The following HHAT variants were observed in gnomAD, a reference collection of about 807,000 sequenced individuals.
HHAT encodes the protein hedgehog acyltransferase, also known as protein-cysteine N-palmitoyltransferase HHAT.
A neutral mutation model predicts 70.8 loss-of-function variants in HHAT; 47 were observed. The observed-to-expected ratio is 0.66, with a 90% CI of 0.53 to 0.85. HHAT has a LOEUF of 0.85. Among genes scored for constraint, HHAT ranks in the 40% least tolerant of loss-of-function variants. HHAT has a pLI of 0.00. For synonymous variants in HHAT, 228 were observed against 247.6 expected (o/e 0.92, Z 0.74); for missense variants, 609 against 604.8 (o/e 1.01, Z -0.07).
At chr1:210,362,056 A>G (rs994444977) in intron 2 of HHAT, among the ~76,000 whole-genome samples, 6 of 150,710 alleles carry the variant, frequency 4.0e-5, no homozygotes, top group African/African-American at 1.2e-4. Context: ...GTGTCTGGTT[A>G]CTGTACCTCC....
chr1:210,357,330 A>C (rs1474834873), intron 2 of HHAT, among the ~76,000 whole-genome samples: 1 of 152,180 alleles, frequency 6.6e-6, no homozygotes, highest in Non-Finnish European at 1.5e-5. Context: ...CCCCTGAAGC[A>C]GGTCATAAAA....
At chr1:210,646,036 A>C (rs1673987224) in intron 11 of HHAT, among the ~76,000 whole-genome samples, 1 of 152,144 alleles carries the variant, frequency 6.6e-6, no homozygotes, top group African/African-American at 2.4e-5. Context: ...AAGAGGAAAA[A>C]GATAATGGGA....
chr1:210,579,097 T>C (rs1228487590), intron 9 of HHAT, among the ~76,000 whole-genome samples: 1 of 151,944 alleles, frequency 6.6e-6, no homozygotes, highest in Admixed American at 6.6e-5. Flanking sequence ...AGCTAAAAGA[T>C]AAGGACACAT....
At chr1:210,592,982 A>G (rs1269061392) in intron 10 of HHAT, among the ~76,000 whole-genome samples, 4 of 151,582 alleles carry the variant, frequency 2.6e-5, no homozygotes, top group African/African-American at 9.7e-5. Flanking sequence ...TGCACCCATT[A>G]ACTCATCATT....
In HHAT at chr1:210,526,377, T is replaced by TTTTTTTTTTTTTTTTTTTTC. The variant is rs2095249897; in HGVS notation, c.1043+13190_1043+13191insTTTTTTTTTTTTTTTTTTCT. Among the ~76,000 whole-genome samples the TTTTTTTTTTTTTTTTTTTTC allele has an allele frequency of 1.7e-5, 2 of 115,324 alleles. 1 individual carries two copies. Among genetic ancestry groups the TTTTTTTTTTTTTTTTTTTTC allele is most frequent in the Non-Finnish European group, 3.8e-5 (2 of 52,372 alleles). 75.7% of individuals were successfully genotyped at this position (115,324 alleles called of 152,430 possible). A position where few individuals can be genotyped will look rare whatever the true frequency, so the allele number is the denominator to read the frequency against. On this transcript the variant is annotated intron_variant, in intron 9 of 11. Transcript: ENST00000261458. ...ACCAGAGTGGGTTCTGTTTTTTTTT[T>TTTTTTTTTTTTTTTTTTTTC]TGCCACTGAGATAACTAATATACTT...
At chr1:210,578,369 T>C (rs1658391664) in intron 9 of HHAT, among the ~76,000 whole-genome samples, 2 of 152,046 alleles carry the variant, frequency 1.3e-5, no homozygotes, top group African/African-American at 4.8e-5. Context: ...TGTGGAAAAA[T>C]AGAACTCTTG....
rs566018707 is a variant in HHAT at position 210,652,664 on chromosome 1, C to T, written c.1391-21624C>T. 3.3e-5 allele frequency among the ~76,000 whole-genome samples: 5 copies of T among 152,148 alleles called. No individual in the cohort carries two copies. The South Asian group carries it at 6.2e-4, about 19-fold the overall frequency. ...CTGGTGCAGTATTAACTGCCTCACT[C>T]GTGTAGATCTATAAGAAAAAGGCAG... On this transcript the variant is annotated intron_variant, in intron 11 of 11. Transcript: ENST00000261458.
chr1:210,653,950 T>G, intron 11 of HHAT, among the ~76,000 whole-genome samples: 1 of 492 alleles, frequency 2.0e-3, no homozygotes. Flanking sequence ...AGTGTGACAG[T>G]GGAATAGTGT....
At chr1:210,421,385 G>C (rs1374992291) in intron 7 of HHAT, among the ~76,000 whole-genome samples, 1 of 152,116 alleles carries the variant, frequency 6.6e-6, no homozygotes, top group Non-Finnish European at 1.5e-5. Context: ...GTTTTAATTT[G>C]CCTTTCCTTG....
intron 3 of HHAT, among the ~76,000 whole-genome samples, chr1:210,373,558 C>T (rs557616876): frequency 3.3e-5 from 5 of 152,120 alleles, no homozygotes; most frequent in Admixed American, 6.5e-5. Flanking sequence ...CAATAGCTGC[C>T]GAAAAGTTCG....
intron 3 of HHAT, 129 bp downstream of exon 3, chr1:210,363,048 G>T: frequency 1.3e-6 from 1 of 765,860 alleles, no homozygotes; most frequent in Non-Finnish European, 2.2e-6. Context: ...CCTTTTTGCC[G>T]TAAAGGTGTG....
chr1:210,668,182 A>C (rs1679331041), intron 11 of HHAT, among the ~76,000 whole-genome samples: 1 of 152,198 alleles, frequency 6.6e-6, no homozygotes, highest in South Asian at 2.1e-4. Flanking sequence ...TTGTATTTTT[A>C]CACCATGTTC....
At chr1:210,497,270 A>G (rs1214855813) in intron 8 of HHAT, among the ~76,000 whole-genome samples, 1 of 152,210 alleles carries the variant, frequency 6.6e-6, no homozygotes, top group African/African-American at 2.4e-5. Context: ...TGTGAAAACA[A>G]ATCTGTTTTA....
At chr1:210,335,173 A>G (rs2085365905) in intron 1 of HHAT, among the ~76,000 whole-genome samples, 1 of 152,224 alleles carries the variant, frequency 6.6e-6, no homozygotes. Flanking sequence ...AATCTATAAA[A>G]AGGATAATAA....
At chr1:210,354,994 C>T (rs563933285) in intron 2 of HHAT, among the ~76,000 whole-genome samples, 1 of 152,206 alleles carries the variant, frequency 6.6e-6, no homozygotes, top group African/African-American at 2.4e-5. Context: ...CAAAATCTTT[C>T]ATCACTTCCC....
chr1:210,475,607 C>G (rs1437072639), intron 8 of HHAT, among the ~76,000 whole-genome samples: 1 of 152,176 alleles, frequency 6.6e-6, no homozygotes, highest in Non-Finnish European at 1.5e-5. Context: ...CCTCTTCTTT[C>G]TCTTTCTTTT....
intron 10 of HHAT, among the ~76,000 whole-genome samples, chr1:210,610,490 AT>A (rs550779090): frequency 9.2e-5 from 14 of 151,860 alleles, no homozygotes; most frequent in South Asian, 8.3e-4. Context: ...CTGATAGTTT[AT>A]TTTGCTATGC....
chr1:210,552,227 G>A (rs1050751140), intron 9 of HHAT, among the ~76,000 whole-genome samples: 1 of 152,196 alleles, frequency 6.6e-6, no homozygotes, highest in African/African-American at 2.4e-5. Flanking sequence ...TCGGGGCAAT[G>A]GAATTTTCCA....
At chr1:210,416,311 G>A (rs2357586) in intron 6 of HHAT, among the ~76,000 whole-genome samples, 130,920 of 152,132 alleles carry the variant, frequency 0.86, 56,451 homozygotes, top group South Asian at 0.9. Context: ...CTGATAGTCA[G>A]ATGCTAAATC....
Sources: gnomAD v4.1 joint callset for allele counts (sites outside exome capture counted in the v4.1 genomes callset) on GRCh38, gnomAD v4.1.1 for gene constraint, MANE v1.5 for transcripts, NCBI Gene and HGNC (gene_info 2026-07-23, HGNC 2026-07-21) for gene names.